Variants in SDHAF3 observed in about 807,000 individuals in gnomAD.
SDHAF3 encodes the protein succinate dehydrogenase assembly factor 3, mitochondrial.
A neutral mutation model predicts 11.5 loss-of-function variants in SDHAF3; 18 were observed. The observed-to-expected ratio is 1.56, with a 90% CI of 1.08 to 2.32. The LOEUF (loss-of-function observed/expected upper bound fraction) is 2.32, where lower values mean the gene tolerates loss of function less well. SDHAF3 is among the 30% of genes most tolerant of loss of function. The pLI is 0.00. For synonymous variants in SDHAF3, 72 were observed against 59.3 expected (o/e 1.21, Z -0.99); for missense variants, 200 against 154.4 (o/e 1.30, Z -1.57).
At chr7:97,122,079 G>C (rs944938509) in intron 1 of SDHAF3, among the ~76,000 whole-genome samples, 2 of 152,110 alleles carry the variant, frequency 1.3e-5, no homozygotes, top group Non-Finnish European at 2.9e-5. Context: ...GGATGGTATT[G>C]ATCTCCCGAC....
chr7:97,136,779 T>C (rs957708791), intron 1 of SDHAF3, among the ~76,000 whole-genome samples: 3 of 152,200 alleles, frequency 2.0e-5, no homozygotes, highest in African/African-American at 7.2e-5. Context: ...TTTGTTCACT[T>C]ACTACTTACT....
At chr7:97,170,648 C>G (rs997336679) in intron 1 of SDHAF3, among the ~76,000 whole-genome samples, 10 of 152,098 alleles carry the variant, frequency 6.6e-5, no homozygotes, top group Non-Finnish European at 1.5e-4. Flanking sequence ...CAAGAACTTT[C>G]TACGTTCTTG....
intron 1 of SDHAF3, among the ~76,000 whole-genome samples, chr7:97,148,618 G>T (rs12533277): frequency 0.04 from 6,109 of 152,246 alleles, 247 homozygotes; most frequent in Admixed American, 0.13. Flanking sequence ...CCTGTTCCTA[G>T]ATTTAATTTA....
Position 97,122,624 on chromosome 7 carries a change from C to T in SDHAF3, c.174+4727C>T, listed in dbSNP as rs562440038. 2.5e-4 allele frequency among the ~76,000 whole-genome samples: 38 copies of T among 151,892 alleles called. 2 individuals are homozygous for T. In the South Asian group the frequency reaches 5.2e-3, roughly 21 times the overall value. On this transcript the variant is annotated intron_variant, in intron 1 of 1. Transcript: ENST00000432641. ...AGGTTTGGAGCATGATACCAGTAACCAGAATAGTCATATAGGAGGAACAGA... is the reference window on the plus strand; with the variant it reads ...AGGTTTGGAGCATGATACCAGTAACTAGAATAGTCATATAGGAGGAACAGA...
At chr7:97,157,360 G>A (rs1413922483) in intron 1 of SDHAF3, among the ~76,000 whole-genome samples, 2 of 152,088 alleles carry the variant, frequency 1.3e-5, no homozygotes, top group Non-Finnish European at 2.9e-5. Context: ...TTCCAACCTT[G>A]TAGTTAGTTA....
At position 97,181,269 on chromosome 7, in the gene SDHAF3, C is replaced by CTGTCA; in HGVS notation, c.*56_*60dup. 1 of 1,329,482 alleles carries CTGTCA rather than the reference C, an allele frequency of 7.5e-7. No individual in the cohort carries two copies. Among genetic ancestry groups the CTGTCA allele is most frequent in the African/African-American group, 1.5e-5 (1 of 67,548 alleles). 82.4% of individuals were successfully genotyped at this position (1,329,482 alleles called of 1,614,324 possible). ...CAAAAATTTAGAACCCCTACTTTAA[C>CTGTCA]TGTCATTGGTTTTTGAAATATATTT... On this transcript the variant is annotated 3_prime_UTR_variant, in exon 2 of 2. Coordinates refer to ENST00000432641, the MANE Select transcript of SDHAF3 (RefSeq NM_020186.3).
chr7:97,137,378 G>C (rs1362680430), intron 1 of SDHAF3, among the ~76,000 whole-genome samples: 1 of 152,176 alleles, frequency 6.6e-6, no homozygotes, highest in Non-Finnish European at 1.5e-5. Flanking sequence ...CAAGTTGAGA[G>C]TCAAGGATAA....
intron 1 of SDHAF3, among the ~76,000 whole-genome samples, chr7:97,170,098 GTT>G (rs199512966): frequency 2.1e-5 from 3 of 144,240 alleles, no homozygotes; most frequent in African/African-American, 2.6e-5. Context: ...TGGCTAGTTC[GTT>G]TTTTTTTTTT....
At chr7:97,134,629 T>A (rs1261208571) in intron 1 of SDHAF3, among the ~76,000 whole-genome samples, 1 of 152,110 alleles carries the variant, frequency 6.6e-6, no homozygotes, top group Admixed American at 6.5e-5. Flanking sequence ...GTATTTTTAG[T>A]AGATATGAGG....
chr7:97,154,007 G>A (rs1378643898), intron 1 of SDHAF3, among the ~76,000 whole-genome samples: 1 of 152,214 alleles, frequency 6.6e-6, no homozygotes. Context: ...AGTGCAGGCA[G>A]GCTGAGTCCA....
At chr7:97,150,895 C>T (rs1026851985) in intron 1 of SDHAF3, among the ~76,000 whole-genome samples, 12 of 151,940 alleles carry the variant, frequency 7.9e-5, no homozygotes, top group African/African-American at 2.7e-4. Context: ...GTCTGAATAG[C>T]GGGGTTAAAA....
At chr7:97,165,352 C>G (rs955039283) in intron 1 of SDHAF3, among the ~76,000 whole-genome samples, 1 of 108,618 alleles carries the variant, frequency 9.2e-6, no homozygotes, top group African/African-American at 3.4e-5. Context: ...AAAGGATTTT[C>G]CTACCTTTTT....
chr7:97,163,168 C>CTTTTTTTTTTTTTTTT (rs58956333), intron 1 of SDHAF3, among the ~76,000 whole-genome samples: 1 of 125,030 alleles, frequency 8.0e-6, no homozygotes. Context: ...GTTTAAAGTC[C>CTTTTTTTTTTTTTTTT]TTTTTTTTTT....
intron 1 of SDHAF3, among the ~76,000 whole-genome samples, chr7:97,127,176 G>A (rs1791589627): frequency 1.3e-5 from 2 of 152,136 alleles, no homozygotes; most frequent in African/African-American, 2.4e-5. Flanking sequence ...ACCTTAGTTG[G>A]AAATGGAGAA....
At chr7:97,161,088 C>T (rs1328899277) in intron 1 of SDHAF3, among the ~76,000 whole-genome samples, 1 of 152,054 alleles carries the variant, frequency 6.6e-6, no homozygotes, top group Non-Finnish European at 1.5e-5. Context: ...GTGCAATAGC[C>T]TTTTGTGATG....
chr7:97,180,977 T>C lies in SDHAF3; in HGVS notation c.175-35T>C, dbSNP rs748566234. The C allele has an allele frequency of 3.9e-6, 6 of 1,548,456 alleles. No homozygotes were observed. In the South Asian group the frequency reaches 7.2e-5, roughly 19 times the overall value. On this transcript the variant is annotated intron_variant, in intron 1 of 1. Coordinates refer to ENST00000432641, the MANE Select transcript of SDHAF3 (RefSeq NM_020186.3). ...CTCTAATGTTAAATATTATTTAAAC[T>C]TTACATCTATAACCTTCATTCTTTA...
chr7:97,163,518 A>C (rs543123085), intron 1 of SDHAF3, among the ~76,000 whole-genome samples: 2 of 152,010 alleles, frequency 1.3e-5, no homozygotes, highest in South Asian at 4.1e-4. Flanking sequence ...ATATTCTTCC[A>C]TCCCTTTATT....
chr7:97,150,209 T>C (rs948159360), intron 1 of SDHAF3, among the ~76,000 whole-genome samples: 1 of 152,204 alleles, frequency 6.6e-6, no homozygotes, highest in Non-Finnish European at 1.5e-5. Context: ...TCCATGAGGG[T>C]TGGAATCAGC....
chr7:97,144,008 A>AT (rs1789098168), intron 1 of SDHAF3, among the ~76,000 whole-genome samples: 6 of 151,360 alleles, frequency 4.0e-5, no homozygotes, highest in Admixed American at 4.0e-4. Flanking sequence ...TTATTTTTTT[A>AT]TTTTTTTTAT....
Sources: gnomAD v4.1 joint callset for allele counts (sites outside exome capture counted in the v4.1 genomes callset) on GRCh38, gnomAD v4.1.1 for gene constraint, MANE v1.5 for transcripts, NCBI Gene and HGNC (gene_info 2026-07-23, HGNC 2026-07-21) for gene names.